Variants in CASP14 observed in about 807,000 individuals in gnomAD.
CASP14 encodes caspase 14, also known as caspase-14.
A neutral mutation model predicts 28.4 loss-of-function variants in CASP14; 27 were observed. The ratio of observed to expected loss-of-function variants is 0.95; its 90% confidence interval spans 0.70 to 1.31. CASP14 has a LOEUF of 1.31. CASP14 is among the 50% of genes most tolerant of loss of function. The pLI, the probability that CASP14 is intolerant of heterozygous loss-of-function variation, is 0.00. For missense variants in CASP14, 323 were observed against 312.8 expected (o/e 1.03, Z -0.25); for synonymous variants, 115 against 118.6 (o/e 0.97, Z 0.20).
At chr19:15,055,597 T>C (rs888788809) in intron 6 of CASP14, 64 bp downstream of exon 6, 4 of 1,149,276 alleles carry the variant, frequency 3.5e-6, no homozygotes, top group African/African-American at 1.5e-5. Context: ...CGGAGGGGGC[T>C]GAGCCTCCTC....
In CASP14 at chr19:15,055,689, T is replaced by G. The variant is rs113004138; in HGVS notation, c.624+156T>G. On this transcript the variant is annotated intron_variant, in intron 6 of 6. Coordinates refer to ENST00000427043, the MANE Select transcript of CASP14 (RefSeq NM_012114.3). Reference sequence around the variant, plus strand: ...CTAAGAAGCCCACTTTCCAACAACTTTCCCAAATGCAGGGACTCTTAAAAG... The same window carrying G: ...CTAAGAAGCCCACTTTCCAACAACTGTCCCAAATGCAGGGACTCTTAAAAG... 3.0e-3 allele frequency among the ~76,000 whole-genome samples: 460 copies of G among 152,258 alleles called. 3 individuals carry two copies. The highest frequency in any genetic ancestry group is 0.01 in the African/African-American group (419 of 41,534).
Position 15,053,464 on chromosome 19 carries a change from G to A in CASP14, c.28-18G>A. ...CTTGAACCTCTCCATGCTGATTTCTGTCTTCTCTTGGCCCCAGGAGAAATA... is the reference window on the plus strand; with the variant it reads ...CTTGAACCTCTCCATGCTGATTTCTATCTTCTCTTGGCCCCAGGAGAAATA... On this transcript the variant is annotated intron_variant, in intron 2 of 6. Coordinates refer to ENST00000427043, the MANE Select transcript of CASP14 (RefSeq NM_012114.3). The A allele has an allele frequency of 6.2e-7, 1 of 1,613,918 alleles. No individual in the cohort carries two copies.
chr19:15,056,477 A>C lies in CASP14; in HGVS notation c.*388A>C. The stretch of plus-strand genomic sequence containing the variant: ...AGCCCACTCATCCCCTCCTACCCCA[A>C]TCCAACCTCTGCTGGCTCCTGCATC... On this transcript the variant is annotated 3_prime_UTR_variant, in exon 7 of 7. Transcript: ENST00000427043. 5.3e-6 allele frequency: 1 copy of C among 187,170 alleles called. No individual in the cohort carries two copies. Among genetic ancestry groups the C allele is most frequent in the Non-Finnish European group, 1.1e-5 (1 of 88,176 alleles). The allele number at this position is 187,170 out of a possible 1,614,324, so 11.6% of individuals were successfully genotyped here.
intron 1 of CASP14, among the ~76,000 whole-genome samples, chr19:15,051,846 G>A (rs2046092411): frequency 6.6e-6 from 1 of 152,214 alleles, no homozygotes; most frequent in South Asian, 2.1e-4. Flanking sequence ...AAACACATGG[G>A]TCACTTGCCC....
chr19:15,049,693 TCTCTCACACACACACACACA>T (rs1248094338), intron 1 of CASP14, 48 bp downstream of exon 1: 1 of 112,084 alleles, frequency 8.9e-6, no homozygotes, highest in Non-Finnish European at 1.8e-5. Flanking sequence ...TCTCTCTCTC[TCTCTCACACACACACACACA>T]CACACACACA....
chr19:15,056,228 A>G lies in CASP14; in HGVS notation c.*139A>G. 1 of 652,750 alleles carries G rather than the reference A, an allele frequency of 1.5e-6. No homozygotes were observed. The highest frequency in any genetic ancestry group is 2.7e-6 in the Non-Finnish European group (1 of 366,804). 40.4% of individuals were successfully genotyped at this position (652,750 alleles called of 1,614,324 possible). ...CAGTTTCTTTTCCATCACACCCTTC[A>G]TGCAGGTCCTCCTGTCCTTATTAGA... On this transcript the variant is annotated 3_prime_UTR_variant, in exon 7 of 7. Transcript: ENST00000427043.
chr19:15,057,115 C>T lies in CASP14; in HGVS notation c.*1026C>T, dbSNP rs1296916712. 6.6e-6 allele frequency: 1 copy of T among 152,124 alleles called. No homozygotes were observed. 9.4% of individuals were successfully genotyped at this position (152,124 alleles called of 1,614,324 possible). ...CCAGCCAAGGTTACCTCCAGGTAACCTTGCAGCACCAGGCTGGAAGTCAGA... is the reference window on the plus strand; with the variant it reads ...CCAGCCAAGGTTACCTCCAGGTAACTTTGCAGCACCAGGCTGGAAGTCAGA... On this transcript the variant is annotated 3_prime_UTR_variant, in exon 7 of 7. Transcript: ENST00000427043.
chr19:15,053,340 T>C, intron 2 of CASP14, 142 bp from the exon 3 acceptor site: 1 of 995,456 alleles, frequency 1.0e-6, no homozygotes, highest in Non-Finnish European at 1.5e-6. Flanking sequence ...ACTCTTGGGC[T>C]CAAGCAATCC....
intron 2 of CASP14, 115 bp downstream of exon 2, chr19:15,052,393 T>A: frequency 1.9e-6 from 2 of 1,055,508 alleles, no homozygotes; most frequent in Non-Finnish European, 1.3e-6. Flanking sequence ...AACTCAGAGC[T>A]AGGAGGTACT....
At chr19:15,051,705 G>A (rs529617105) in intron 1 of CASP14, among the ~76,000 whole-genome samples, 71 of 152,146 alleles carry the variant, frequency 4.7e-4, no homozygotes, top group African/African-American at 8.9e-4. Context: ...TGACCCCTTC[G>A]TATTGGAGAC....
chr19:15,057,190 C>T lies in CASP14; in HGVS notation c.*1101C>T, dbSNP rs1416057029. 6.6e-6 allele frequency: 1 copy of T among 152,182 alleles called. No individual in the cohort carries two copies. Among genetic ancestry groups the T allele is most frequent in the Non-Finnish European group, 1.5e-5 (1 of 68,054 alleles). The allele number at this position is 152,182 out of a possible 1,614,324, so 9.4% of individuals were successfully genotyped here. ...ACAGCCTGTATCTCTCCATCCCCAG[C>T]TTTGACCTTTCCTGCTCAAGTAACC... On this transcript the variant is annotated 3_prime_UTR_variant, in exon 7 of 7. Transcript: ENST00000427043.
intron 1 of CASP14, among the ~76,000 whole-genome samples, chr19:15,051,789 T>G (rs755030234): frequency 7.9e-5 from 12 of 152,098 alleles, no homozygotes; most frequent in Non-Finnish European, 1.3e-4. Context: ...CCAAGGCATC[T>G]CTTTGAGATG....
intron 4 of CASP14, 66 bp downstream of exon 4, chr19:15,054,024 AC>A: frequency 2.2e-6 from 3 of 1,357,046 alleles, no homozygotes; most frequent in African/African-American, 1.4e-5. Flanking sequence ...TTGAGACAGC[AC>A]CCAGGCTGGA....
At chr19:15,055,761 T>C (rs2046114046) in intron 6 of CASP14, among the ~76,000 whole-genome samples, 1 of 152,212 alleles carries the variant, frequency 6.6e-6, no homozygotes, top group South Asian at 2.1e-4. Flanking sequence ...CCCTTGGATA[T>C]AAACAATGTT....
In CASP14 at chr19:15,055,175, G is replaced by T; in HGVS notation, c.421G>T (p.Glu141Ter). Residue 141 changes from glutamate to a stop codon, truncating the protein, a stop_gained, in exon 5 of 7, where the codon GAA becomes TAA. Coordinates refer to ENST00000427043, the MANE Select transcript of CASP14 (RefSeq NM_012114.3). LOFTEE classifies it high-confidence loss of function. ...ACRGEQRDPG[E>*]TVGGDEIVMV... ...TGTTTCAGAACAAAGGGACCCCGGT[G>T]AAACAGTAGGTGGAGATGAGATTGT... 1 of 1,614,038 alleles carries T rather than the reference G, an allele frequency of 6.2e-7. No individual in the cohort carries two copies. Among genetic ancestry groups the T allele is most frequent in the Non-Finnish European group, 8.5e-7 (1 of 1,179,954 alleles).
At chr19:15,050,232 G>C (rs2046083384) in intron 1 of CASP14, among the ~76,000 whole-genome samples, 1 of 152,028 alleles carries the variant, frequency 6.6e-6, no homozygotes, top group East Asian at 1.9e-4. Context: ...TCTGGCTCCA[G>C]GGCTATGCTC....
intron 1 of CASP14, among the ~76,000 whole-genome samples, chr19:15,050,329 A>T (rs1036743531): frequency 1.5e-4 from 23 of 151,726 alleles, no homozygotes; most frequent in African/African-American, 3.9e-4. Context: ...TGTGAGAGAG[A>T]GAGAGAGAGA....
rs1413936356 is a variant in CASP14, at chr19:15,053,590, C to T, written c.136C>T (p.Leu46=). ...LDALEHMFRQ[L]RFESTMKRDP... ...TGCTCTGGAACACATGTTTCGGCAG[C>T]TGAGATTCGAAAGCACCATGAAAAG... Residue 46 remains leucine, a synonymous_variant, in exon 3 of 7, where the codon CTG becomes TTG. Coordinates refer to ENST00000427043, the MANE Select transcript of CASP14 (RefSeq NM_012114.3). 3 of 1,614,036 alleles carry T rather than the reference C, an allele frequency of 1.9e-6. No homozygotes were observed. The African/African-American group carries it at 4.0e-5, about 22-fold the overall frequency.
Position 15,053,634 on chromosome 19 carries a change from A to G in CASP14, c.177+3A>G. The G allele has an allele frequency of 6.2e-7, 1 of 1,614,050 alleles. No homozygotes were observed. The highest frequency in any genetic ancestry group is 8.5e-7 in the Non-Finnish European group (1 of 1,179,986). Reference sequence around the variant, plus strand: ...TGAAAAGAGACCCCACTGCCGAGGTATTGGGGTGCCTACTCCAGGCCTGTT... The same window carrying G: ...TGAAAAGAGACCCCACTGCCGAGGTGTTGGGGTGCCTACTCCAGGCCTGTT... On this transcript the variant is annotated splice_donor_region_variant and intron_variant, in intron 3 of 6. Transcript: ENST00000427043.
Sources: allele counts gnomAD v4.1 joint callset (sites outside exome capture counted in the v4.1 genomes callset), GRCh38; gene constraint gnomAD v4.1.1; transcripts MANE v1.5; gene names NCBI Gene and HGNC (gene_info 2026-07-23, HGNC 2026-07-21).